The following MBP variants were observed in gnomAD, a reference collection of about 807,000 sequenced individuals.
MBP encodes Golli-MBP.
MBP carries 16 observed loss-of-function variants against 35.8 expected under a neutral mutation model. The observed-to-expected ratio is 0.45, with a 90% CI of 0.30 to 0.68. The LOEUF (loss-of-function observed/expected upper bound fraction) is 0.68. Among genes scored for constraint, MBP ranks in the 30% least tolerant of loss-of-function variants. The pLI is 0.08. For missense variants in MBP, 380 were observed against 404.7 expected (o/e 0.94, Z 0.52); for synonymous variants, 143 against 159.6 (o/e 0.90, Z 0.78).
intron 2 of MBP, among the ~76,000 whole-genome samples, chr18:77,082,869 GTGC>G (rs1975024070): frequency 6.6e-6 from 1 of 152,172 alleles, no homozygotes; most frequent in Non-Finnish European, 1.5e-5. Context: ...ATGTGGTTCA[GTGC>G]CAGGATCCCA....
At chr18:77,109,648 A>T (rs1477794163) in intron 1 of MBP, 3 of 152,230 alleles carry the variant, frequency 2.0e-5, no homozygotes, top group Non-Finnish European at 4.4e-5. Context: ...TACCCAAATC[A>T]TCTTACTCCC....
chr18:77,009,825 G>A, intron 4 of MBP: 5 of 1,555,392 alleles, frequency 3.2e-6, no homozygotes, highest in Non-Finnish European at 4.4e-6. Context: ...GGCCCCGATG[G>A]GTGAGGACCC....
chr18:77,056,833 CT>C (rs1295205962), intron 3 of MBP, among the ~76,000 whole-genome samples: 2 of 152,172 alleles, frequency 1.3e-5, no homozygotes, highest in Non-Finnish European at 2.9e-5. Context: ...GTCCACAGTC[CT>C]AACTACCAAA....
In MBP at chr18:76,989,140, A is replaced by G; in HGVS notation, c.682-228T>C. Reference sequence around the variant, plus strand: ...GAGCACTCAGGAAGTGTTTCAGAGGATGGAAAACACCTCCCAGAGGCTCCG... The same window carrying G: ...GAGCACTCAGGAAGTGTTTCAGAGGGTGGAAAACACCTCCCAGAGGCTCCG... On this transcript the variant is annotated intron_variant, in intron 5 of 8. Coordinates refer to ENST00000355994, the MANE Select transcript of MBP (RefSeq NM_001025101.2). This position sits in a 1 kb window ranked among gnomAD's most constrained non-coding sequence, Gnocchi z 4.0. 1 of 686,624 alleles carries G rather than the reference A, an allele frequency of 1.5e-6. No homozygotes were observed. Among genetic ancestry groups the G allele is most frequent in the South Asian group, 1.5e-5 (1 of 66,748 alleles). The allele number at this position is 686,624 out of a possible 1,614,324, so 42.5% of individuals were successfully genotyped here.
intron 2 of MBP, among the ~76,000 whole-genome samples, chr18:77,086,763 GAGT>G (rs1975252581): frequency 6.6e-6 from 1 of 151,982 alleles, no homozygotes; most frequent in Non-Finnish European, 1.5e-5. Context: ...ACATGTTGAG[GAGT>G]TGGCAAAAAA....
chr18:77,056,892 G>T (rs987528472), intron 3 of MBP, among the ~76,000 whole-genome samples: 1 of 152,210 alleles, frequency 6.6e-6, no homozygotes, highest in Non-Finnish European at 1.5e-5. Context: ...ACCTTTGTCC[G>T]ACAGCTCTCA....
intron 4 of MBP, chr18:77,006,582 A>G (rs1970991037): frequency 1.3e-5 from 2 of 152,724 alleles, no homozygotes; most frequent in African/African-American, 4.8e-5. Context: ...GCCATTCCCC[A>G]TCGTGCGTGT....
chr18:77,123,770 C>T (rs1048952087), intron 1 of MBP, among the ~76,000 whole-genome samples: 2 of 152,234 alleles, frequency 1.3e-5, no homozygotes, highest in African/African-American at 4.8e-5. Context: ...GTTGGGCGTC[C>T]AGCCACCAAG....
In MBP at chr18:77,131,058, AAAAC is replaced by A. The variant is rs1599298062; in HGVS notation, c.-26+1518_-26+1521del. Among the ~76,000 whole-genome samples, 1 of 125,724 alleles carries A rather than the reference AAAAC, an allele frequency of 8.0e-6. No homozygotes were observed. Among genetic ancestry groups the A allele is most frequent in the East Asian group, 2.4e-4 (1 of 4,188 alleles). 82.5% of individuals were successfully genotyped at this position (125,724 alleles called of 152,430 possible). A position where few individuals can be genotyped will look rare whatever the true frequency, so the allele number is the denominator to read the frequency against. On this transcript the variant is annotated intron_variant, in intron 1 of 8. Coordinates refer to ENST00000355994, the MANE Select transcript of MBP (RefSeq NM_001025101.2). The surrounding 1 kb of genome is among the most constrained non-coding windows in gnomAD (Gnocchi z 5.5). ...AAAAAAAAACAAAACCTCAAAAAACAAAACACACACACGCGCGCACGCACGCGCA... is the reference window on the plus strand; with the variant it reads ...AAAAAAAAACAAAACCTCAAAAAACAACACACACGCGCGCACGCACGCGCA...
intron 7 of MBP, chr18:76,985,961 G>C: frequency 2.0e-6 from 2 of 985,838 alleles, no homozygotes; most frequent in South Asian, 9.4e-5. Flanking sequence ...ACACACATGG[G>C]TGCGAGTGTC....
At chr18:76,993,107 C>G (rs1310883344) in intron 4 of MBP, among the ~76,000 whole-genome samples, 2 of 152,232 alleles carry the variant, frequency 1.3e-5, no homozygotes, top group Non-Finnish European at 2.9e-5. Context: ...CAGGGCGTAA[C>G]CATGAGCTGC....
At position 77,105,299 on chromosome 18, in the gene MBP, G is replaced by T; in HGVS notation, c.-25-13C>A. 6.4e-7 allele frequency: 1 copy of T among 1,561,378 alleles called. No individual in the cohort carries two copies. Among genetic ancestry groups the T allele is most frequent in the Non-Finnish European group, 8.8e-7 (1 of 1,132,944 alleles). On this transcript the variant is annotated splice_polypyrimidine_tract_variant and intron_variant, in intron 1 of 8. Coordinates refer to ENST00000355994, the MANE Select transcript of MBP (RefSeq NM_001025101.2). The stretch of plus-strand genomic sequence containing the variant: ...GGCTCTTCAGAGGCTAAAAGAGAAA[G>T]AGAAAGTGTCAGCCCTAAGTCTAGT...
At chr18:77,063,066 A>G (rs1974047974) in intron 3 of MBP, among the ~76,000 whole-genome samples, 1 of 152,222 alleles carries the variant, frequency 6.6e-6, no homozygotes, top group Admixed American at 6.5e-5. Context: ...ATTTACTATC[A>G]TGTCAAGGAA....
intron 8 of MBP, chr18:76,982,825 CA>C (rs1969285119): frequency 6.6e-6 from 1 of 152,298 alleles, no homozygotes; most frequent in Non-Finnish European, 1.5e-5. Flanking sequence ...ACTTTTTATG[CA>C]GTAAAATTTA....
chr18:77,040,414 G>T (rs904526096), intron 3 of MBP, among the ~76,000 whole-genome samples: 7 of 152,164 alleles, frequency 4.6e-5, no homozygotes, highest in African/African-American at 1.4e-4. Flanking sequence ...TTTCTTCACA[G>T]AATTGGAAAA....
chr18:76,992,394 C>T (rs1412126034), intron 4 of MBP, among the ~76,000 whole-genome samples: 2 of 152,188 alleles, frequency 1.3e-5, no homozygotes, highest in African/African-American at 2.4e-5. Context: ...GATAATCTCA[C>T]TCGCCCGCTG....
chr18:77,069,381 T>G (rs1974338395), intron 2 of MBP, among the ~76,000 whole-genome samples: 1 of 152,230 alleles, frequency 6.6e-6, no homozygotes, highest in African/African-American at 2.4e-5. Context: ...GCTTCTATGC[T>G]AATAGGAGAT....
chr18:77,081,827 C>CACACATATATATACACACACTAT (rs55907718), intron 2 of MBP, among the ~76,000 whole-genome samples: 1 of 51,568 alleles, frequency 1.9e-5, no homozygotes, highest in Non-Finnish European at 4.7e-5. Context: ...TATACACACA[C>CACACATATATATACACACACTAT]ACACACACAC....
chr18:77,089,425 A>G (rs1975413100), intron 2 of MBP, among the ~76,000 whole-genome samples: 1 of 152,240 alleles, frequency 6.6e-6, no homozygotes. Flanking sequence ...AAAGAAGAGA[A>G]GAGGCAGGGA....
Sources: gnomAD v4.1 joint callset for allele counts (sites outside exome capture counted in the v4.1 genomes callset) on GRCh38, gnomAD v4.1.1 for gene constraint, Gnocchi (gnomAD v3.1) non-coding constraint, MANE v1.5 for transcripts, NCBI Gene and HGNC (gene_info 2026-07-23, HGNC 2026-07-21) for gene names.